Variants in FZD3 observed in about 807,000 individuals in gnomAD.
FZD3 encodes frizzled class receptor 3.
In FZD3, 30 loss-of-function variants were observed where a neutral mutation model predicts 60.7. The observed-to-expected ratio is 0.49, with a 90% CI of 0.37 to 0.67. FZD3 has a LOEUF of 0.67. Ranked by LOEUF, FZD3 falls within the 30% of genes least tolerant of loss-of-function variation. The pLI is 0.00. For synonymous variants in FZD3, 246 were observed against 275.2 expected (o/e 0.89, Z 1.05); for missense variants, 605 against 838.7 (o/e 0.72, Z 3.44).
intron 1 of FZD3, among the ~76,000 whole-genome samples, chr8:28,497,942 ATACT>A (rs888531783): frequency 6.6e-6 from 1 of 152,220 alleles, no homozygotes; most frequent in Non-Finnish European, 1.5e-5. Flanking sequence ...TTCAGGACAA[ATACT>A]TAGTTGATTT....
rs1325203962 is a variant in FZD3, at chr8:28,563,044, T to A, written c.*33T>A. On this transcript the variant is annotated 3_prime_UTR_variant, in exon 8 of 8. Coordinates refer to ENST00000240093, the MANE Select transcript of FZD3 (RefSeq NM_017412.4). ...TGTCTAAGGTGGAAATCTTGTGCTG[T>A]TTAAAAAGCAGATTTTATTCTTTGC... 1 of 1,452,700 alleles carries A rather than the reference T, an allele frequency of 6.9e-7. No individual in the cohort carries two copies. Among genetic ancestry groups the A allele is most frequent in the Admixed American group, 1.7e-5 (1 of 59,798 alleles). 90.0% of individuals were successfully genotyped at this position (1,452,700 alleles called of 1,614,324 possible). A position where few individuals can be genotyped will look rare whatever the true frequency, so the allele number is the denominator to read the frequency against.
intron 5 of FZD3, among the ~76,000 whole-genome samples, chr8:28,538,269 A>G (rs894956743): frequency 6.6e-6 from 1 of 152,092 alleles, no homozygotes; most frequent in Admixed American, 6.5e-5. Context: ...GCATTACCAT[A>G]CCAATTTAAG....
chr8:28,548,118 G>A (rs182109968), intron 5 of FZD3, among the ~76,000 whole-genome samples: 86 of 152,168 alleles, frequency 5.7e-4, no homozygotes, highest in African/African-American at 2.0e-3. Flanking sequence ...CTCCGAAAGC[G>A]CTGGGATTAC....
At chr8:28,514,249 C>G (rs953736651) in intron 3 of FZD3, among the ~76,000 whole-genome samples, 3 of 151,896 alleles carry the variant, frequency 2.0e-5, no homozygotes, top group Non-Finnish European at 4.4e-5. Context: ...TACATTTGTT[C>G]TCAGATTTTT....
rs192376239 is a variant in FZD3, at chr8:28,532,676, A to C, written c.1404+4512A>C. ...TGATCCTTCCACCTTGGCTTTCTAA[A>C]GACTGGGATTATAGGTGTGAGCTAC... On this transcript the variant is annotated intron_variant, in intron 5 of 7. Transcript: ENST00000240093. Among the ~76,000 whole-genome samples, 3 of 152,042 alleles carry C rather than the reference A, an allele frequency of 2.0e-5. No homozygotes were observed. In the East Asian group the frequency reaches 5.8e-4, roughly 29 times the overall value.
chr8:28,509,219 C>T (rs893769485), intron 3 of FZD3, among the ~76,000 whole-genome samples: 2 of 151,742 alleles, frequency 1.3e-5, no homozygotes, highest in East Asian at 3.8e-4. Flanking sequence ...TCAGAGAACT[C>T]TAGTTTCTAT....
rs1172963778 is a variant in FZD3 at position 28,567,588 on chromosome 8, T to G, written c.*4577T>G. On this transcript the variant is annotated 3_prime_UTR_variant, in exon 8 of 8. Coordinates refer to ENST00000240093, the MANE Select transcript of FZD3 (RefSeq NM_017412.4). ...CATAAATTGTTCTACTGATACCATT[T>G]GGTTTTGTTAGAATTTGGGGGGGCT... The G allele has an allele frequency of 6.6e-6, 1 of 152,254 alleles. No individual in the cohort carries two copies. Among genetic ancestry groups the G allele is most frequent in the African/African-American group, 2.4e-5 (1 of 41,464 alleles). The allele number at this position is 152,254 out of a possible 1,614,324, so 9.4% of individuals were successfully genotyped here.
In FZD3 at chr8:28,572,340, T is replaced by G. The variant is rs183600290; in HGVS notation, c.*9329T>G. The G allele has an allele frequency of 6.6e-6, 1 of 152,318 alleles. No individual in the cohort carries two copies. Among genetic ancestry groups the G allele is most frequent in the Admixed American group, 6.5e-5 (1 of 15,302 alleles). 9.4% of individuals were successfully genotyped at this position (152,318 alleles called of 1,614,324 possible). ...CTTTTAGAATAGGTATGTTAACTTCTCATCCTAACCCTATCAATATATCAG... is the reference window on the plus strand; with the variant it reads ...CTTTTAGAATAGGTATGTTAACTTCGCATCCTAACCCTATCAATATATCAG... On this transcript the variant is annotated 3_prime_UTR_variant, in exon 8 of 8. Coordinates refer to ENST00000240093, the MANE Select transcript of FZD3 (RefSeq NM_017412.4).
intron 6 of FZD3, among the ~76,000 whole-genome samples, chr8:28,552,436 A>G (rs1805430025): frequency 6.6e-6 from 1 of 152,196 alleles, no homozygotes; most frequent in Non-Finnish European, 1.5e-5. Context: ...AGTTTGTAAA[A>G]CAAAAACAAA....
chr8:28,526,007 A>G (rs1392210118), intron 4 of FZD3, among the ~76,000 whole-genome samples: 1 of 152,134 alleles, frequency 6.6e-6, no homozygotes, highest in Non-Finnish European at 1.5e-5. Context: ...AGATGGAGAA[A>G]CCTGAGGAGT....
chr8:28,520,779 T>G lies in FZD3; in HGVS notation c.331T>G (p.Ser111Ala). The G allele has an allele frequency of 6.2e-7, 1 of 1,610,676 alleles. No individual in the cohort carries two copies. The highest frequency in any genetic ancestry group is 8.5e-7 in the Non-Finnish European group (1 of 1,178,180). ...GTGTCAGCGGGCTTACAGTGAGTGTTCGAAGCTCATGGAGATGTTTGGTGT... is the reference window on the plus strand; with the variant it reads ...GTGTCAGCGGGCTTACAGTGAGTGTGCGAAGCTCATGGAGATGTTTGGTGT... ...RLCQRAYSEC[S>A]KLMEMFGVPW... is the part of the protein sequence containing the mutation. Residue 111 changes from serine to alanine, a missense_variant, in exon 4 of 8, where the codon TCG becomes GCG. Coordinates refer to ENST00000240093, the MANE Select transcript of FZD3 (RefSeq NM_017412.4).
chr8:28,562,394 C>A (rs1805629154), intron 7 of FZD3, among the ~76,000 whole-genome samples: 1 of 152,066 alleles, frequency 6.6e-6, no homozygotes, highest in African/African-American at 2.4e-5. Flanking sequence ...GAATGTACCC[C>A]TCTACTGATT....
chr8:28,494,819 C>A (rs1009460463), intron 1 of FZD3, among the ~76,000 whole-genome samples: 1 of 152,000 alleles, frequency 6.6e-6, no homozygotes, highest in Non-Finnish European at 1.5e-5. Context: ...AGGCGGAAGA[C>A]AATGCTCCGG....
At chr8:28,515,854 G>A (rs1000940078) in intron 3 of FZD3, among the ~76,000 whole-genome samples, 4 of 152,158 alleles carry the variant, frequency 2.6e-5, no homozygotes, top group African/African-American at 9.7e-5. Flanking sequence ...TCTGTTGGTT[G>A]TCCGTTCACT....
In FZD3 at chr8:28,560,546, ATAT is replaced by A. The variant is rs200734852; in HGVS notation, c.1788-2247_1788-2245del. 5.2e-3 allele frequency among the ~76,000 whole-genome samples: 793 copies of A among 152,272 alleles called. 4 individuals carry two copies. The highest frequency in any genetic ancestry group is 0.016 in the African/African-American group (666 of 41,558). ...TATAGTAAATTTTTCTATGAAAAAT[ATAT>A]TATTTGAGTTTTTGTAACTCAAAGC... On this transcript the variant is annotated intron_variant, in intron 7 of 7. Coordinates refer to ENST00000240093, the MANE Select transcript of FZD3 (RefSeq NM_017412.4).
At position 28,508,761 on chromosome 8, in the gene FZD3, G is replaced by A. The variant is rs373735408; in HGVS notation, c.189+5559G>A. Among the ~76,000 whole-genome samples, 22 of 152,148 alleles carry A rather than the reference G, an allele frequency of 1.4e-4. 1 individual carries two copies. Among genetic ancestry groups the A allele is most frequent in the African/African-American group, 4.8e-4 (20 of 41,486 alleles). ...TTGAGTCTCAAACTTTTGTTCTCAA[G>A]CGATCCACCTGCCTTGGCCTACCAA... On this transcript the variant is annotated intron_variant, in intron 3 of 7. Coordinates refer to ENST00000240093, the MANE Select transcript of FZD3 (RefSeq NM_017412.4).
At chr8:28,551,790 A>G (rs1240858381) in intron 6 of FZD3, 39 bp downstream of exon 6, 2 of 1,523,192 alleles carry the variant, frequency 1.3e-6, no homozygotes, top group African/African-American at 1.4e-5. Flanking sequence ...CACAAACCTC[A>G]CATTTACGTA....
At chr8:28,501,692 A>C (rs1237910268) in intron 2 of FZD3, among the ~76,000 whole-genome samples, 1 of 152,178 alleles carries the variant, frequency 6.6e-6, no homozygotes, top group African/African-American at 2.4e-5. Context: ...AGAATCACAC[A>C]TATTTTTGCC....
At position 28,572,919 on chromosome 8, in the gene FZD3, C is replaced by T. The variant is rs922938071; in HGVS notation, c.*9908C>T. On this transcript the variant is annotated 3_prime_UTR_variant, in exon 8 of 8. Transcript: ENST00000240093. ...AAAGAGTTGTTCCAAATTCAGACTA[C>T]ATCTCATCATATAAATAATATTATG... 1.3e-5 allele frequency: 2 copies of T among 152,112 alleles called. No homozygotes were observed. The highest frequency in any genetic ancestry group is 1.3e-4 in the Admixed American group (2 of 15,274). 9.4% of individuals were successfully genotyped at this position (152,112 alleles called of 1,614,324 possible). A position where few individuals can be genotyped will look rare whatever the true frequency, so the allele number is the denominator to read the frequency against.
Sources: gnomAD v4.1 joint callset for allele counts (sites outside exome capture counted in the v4.1 genomes callset) on GRCh38, gnomAD v4.1.1 for gene constraint, MANE v1.5 for transcripts, NCBI Gene and HGNC (gene_info 2026-07-23, HGNC 2026-07-21) for gene names.